The following ABCB11 variants were observed in gnomAD, a reference collection of about 807,000 sequenced individuals.
ABCB11 encodes the protein bile salt export pump.
A neutral mutation model predicts 148.0 loss-of-function variants in ABCB11; 95 were observed. The observed-to-expected ratio is 0.64, with a 90% CI of 0.54 to 0.76. The LOEUF is 0.76. Among genes scored for constraint, ABCB11 ranks in the 30% least tolerant of loss-of-function variants. The pLI is 0.00. For missense variants in ABCB11, 1,523 were observed against 1,617.8 expected (o/e 0.94, Z 1.01); for synonymous variants, 591 against 555.4 (o/e 1.06, Z -0.90).
intron 21 of ABCB11, among the ~76,000 whole-genome samples, chr2:168,942,055 T>C (rs770936355): frequency 4.6e-5 from 7 of 151,992 alleles, no homozygotes; most frequent in Non-Finnish European, 7.4e-5. Context: ...CAGTAGACTA[T>C]TAAATTTCTA....
rs927702537 is a variant in ABCB11 at position 169,009,642 on chromosome 2, T to C, written c.389+3630A>G. On this transcript the variant is annotated intron_variant, in intron 5 of 27. Coordinates refer to ENST00000650372, the MANE Select transcript of ABCB11 (RefSeq NM_003742.4). ...TACCTAATGTTAAATGACGAGTTGA[T>C]GGGTGCAGCACACCAACATGGTACA... 6.1e-4 allele frequency among the ~76,000 whole-genome samples: 92 copies of C among 151,192 alleles called. 1 individual carries two copies. Among genetic ancestry groups the C allele is most frequent in the Non-Finnish European group, 3.7e-4 (25 of 67,848 alleles).
intron 18 of ABCB11, among the ~76,000 whole-genome samples, chr2:168,959,934 CAAAAAAAAAAAAA>C (rs375450217): frequency 5.7e-5 from 5 of 87,202 alleles, no homozygotes; most frequent in African/African-American, 2.3e-4. Context: ...ACTGCATCTC[CAAAAAAAAAAAAA>C]AAAAAAAAAA....
At chr2:168,928,988 A>T (rs1691443860) in intron 25 of ABCB11, among the ~76,000 whole-genome samples, 1 of 152,216 alleles carries the variant, frequency 6.6e-6, no homozygotes, top group South Asian at 2.1e-4. Flanking sequence ...GGAAATCTTT[A>T]GTTGCCTTTT....
chr2:168,969,322 C>T, intron 16 of ABCB11, 28 bp downstream of exon 16: 1 of 1,582,218 alleles, frequency 6.3e-7, no homozygotes, highest in East Asian at 2.3e-5. Flanking sequence ...TTTAATATAA[C>T]ATACAAGTAT....
intron 8 of ABCB11, among the ~76,000 whole-genome samples, chr2:168,991,492 T>A (rs2106006106): frequency 6.6e-6 from 1 of 152,198 alleles, no homozygotes; most frequent in African/African-American, 2.4e-5. Flanking sequence ...AGTAGACACA[T>A]TACTTTTTCT....
At chr2:168,943,692 G>A (rs1475319010) in intron 21 of ABCB11, among the ~76,000 whole-genome samples, 1 of 151,956 alleles carries the variant, frequency 6.6e-6, no homozygotes, top group African/African-American at 2.4e-5. Flanking sequence ...CTAAGTGAAA[G>A]GATTCCATGA....
At position 168,932,441 on chromosome 2, in the gene ABCB11, C is replaced by T. The variant is rs946572327; in HGVS notation, c.3149G>A (p.Arg1050His). ...SYAKAKISAARFFQLLDRQPP... is the reference protein window; with the variant it reads ...SYAKAKISAAHFFQLLDRQPP... The stretch of plus-strand genomic sequence containing the variant: ...TTGTCGGTCCAGCAGTTGAAAAAAG[C>T]GTGCAGCTGATATTTTAGCTTTTGC... Residue 1050 changes from arginine (R) to histidine (H), a missense_variant, in exon 24 of 28, where the codon CGC becomes CAC. Transcript: ENST00000650372. 7 of 1,608,466 alleles carry T rather than the reference C, an allele frequency of 4.4e-6. No individual in the cohort carries two copies. Among genetic ancestry groups the T allele is most frequent in the South Asian group, 2.2e-5 (2 of 89,662 alleles).
intron 5 of ABCB11, among the ~76,000 whole-genome samples, chr2:169,008,237 G>T (rs940661031): frequency 1.3e-5 from 2 of 152,194 alleles, no homozygotes; most frequent in Non-Finnish European, 2.9e-5. Context: ...GCTTCGCTGG[G>T]TGGAAATCAA....
intron 18 of ABCB11, among the ~76,000 whole-genome samples, chr2:168,958,382 T>A (rs1053387567): frequency 6.6e-6 from 1 of 151,636 alleles, no homozygotes; most frequent in Non-Finnish European, 1.5e-5. Context: ...CATGATTACA[T>A]GTGTATTAAC....
Position 168,944,672 on chromosome 2 carries a change from TC to T in ABCB11, c.2542del (p.Asp848MetfsTer10), listed in dbSNP as rs1692220779. ...TGCTCCAGGGCTATTTCTGAGGTCA[TC>T]AAACCAGGCAATATCTTGCCCCAGC... ...AMLGQDIAWF[D>X]DLRNSPGALT... On this transcript the variant is annotated frameshift_variant, in exon 21 of 28. Transcript: ENST00000650372. LOFTEE classifies it high-confidence loss of function. 6.2e-7 allele frequency: 1 copy of T among 1,612,828 alleles called. No homozygotes were observed. The highest frequency in any genetic ancestry group is 8.5e-7 in the Non-Finnish European group (1 of 1,179,210).
At chr2:168,935,817 G>A (rs1001199087) in intron 22 of ABCB11, among the ~76,000 whole-genome samples, 5 of 152,186 alleles carry the variant, frequency 3.3e-5, no homozygotes, top group Admixed American at 2.0e-4. Flanking sequence ...AGTATGAAGA[G>A]CAAAGGCATG....
chr2:169,011,728 C>A (rs1272838591), intron 5 of ABCB11, among the ~76,000 whole-genome samples: 1 of 152,108 alleles, frequency 6.6e-6, no homozygotes, highest in Admixed American at 6.6e-5. Context: ...CCCATGTAAT[C>A]ACAGCCAACT....
At chr2:168,983,145 T>A in intron 10 of ABCB11, among the ~76,000 whole-genome samples, 1 of 152,186 alleles carries the variant, frequency 6.6e-6, no homozygotes, top group East Asian at 1.9e-4. Context: ...TATTATTTGA[T>A]TTTCAATTTA....
chr2:168,925,414 C>G (rs1425001607), intron 26 of ABCB11, among the ~76,000 whole-genome samples: 1 of 152,232 alleles, frequency 6.6e-6, no homozygotes, highest in African/African-American at 2.4e-5. Flanking sequence ...TCATGCCTGG[C>G]ATGGCTACAT....
chr2:168,936,194 C>G, intron 22 of ABCB11, 36 bp downstream of exon 22: 2 of 1,593,000 alleles, frequency 1.3e-6, no homozygotes, highest in South Asian at 2.3e-5. Flanking sequence ...AGCCACTCAG[C>G]CATGAGGAAT....
chr2:168,987,144 G>A (rs545428996), intron 9 of ABCB11, among the ~76,000 whole-genome samples: 16 of 152,210 alleles, frequency 1.1e-4, no homozygotes, highest in African/African-American at 3.9e-4. Context: ...GGGAAAAGAC[G>A]ATAATAAGAG....
intron 21 of ABCB11, among the ~76,000 whole-genome samples, chr2:168,937,463 C>T (rs1021757363): frequency 1.3e-5 from 2 of 152,154 alleles, no homozygotes; most frequent in Non-Finnish European, 2.9e-5. Context: ...GCTCACATAA[C>T]GTATCTGAAG....
chr2:168,932,693 T>A (rs1354387210), intron 23 of ABCB11, among the ~76,000 whole-genome samples, 160 bp from the exon 24 acceptor site: 1 of 152,078 alleles, frequency 6.6e-6, no homozygotes, highest in Non-Finnish European at 1.5e-5. Context: ...GAGGGTGGTG[T>A]TTAAGGGACT....
chr2:169,022,818 G>GA (rs149104172), intron 1 of ABCB11, among the ~76,000 whole-genome samples: 3,516 of 151,918 alleles, frequency 0.023, 131 homozygotes, highest in African/African-American at 0.08. Flanking sequence ...AGCAGTTTAT[G>GA]AAAAAAATGA....
Sources: allele counts gnomAD v4.1 joint callset (sites outside exome capture counted in the v4.1 genomes callset), GRCh38; gene constraint gnomAD v4.1.1; transcripts MANE v1.5; gene names NCBI Gene and HGNC (gene_info 2026-07-23, HGNC 2026-07-21).